Variants in XIRP2 observed in about 807,000 individuals in gnomAD.
The protein encoded by XIRP2 is xin actin-binding repeat-containing protein 2.
A neutral mutation model predicts 277.0 loss-of-function variants in XIRP2; 236 were observed. The ratio of observed to expected loss-of-function variants is 0.85; its 90% CI spans 0.77 to 0.95. The LOEUF is 0.95. XIRP2 is among the 40% of genes least tolerant of loss of function. XIRP2 has a pLI of 0.00. For synonymous variants in XIRP2, 1,490 were observed against 1,416.5 expected, an observed-to-expected ratio of 1.05 and a Z score of -1.17; for missense variants, 4,640 against 4,157.5, an observed-to-expected ratio of 1.12 and a Z score of -3.19.
chr2:167,024,255 G>T (rs1052126925), intron 2 of XIRP2, among the ~76,000 whole-genome samples: 3 of 152,034 alleles, frequency 2.0e-5, no homozygotes, highest in South Asian at 2.1e-4. Context: ...CTCTCTGTTT[G>T]TCTGTTATTG....
intron 2 of XIRP2, among the ~76,000 whole-genome samples, chr2:167,073,673 TAA>T (rs554759977): frequency 1.5e-4 from 23 of 152,178 alleles, no homozygotes; most frequent in Non-Finnish European, 2.8e-4. Context: ...ATAGATAAAT[TAA>T]ATTTAGAAAG....
At chr2:166,948,927 A>G (rs914369561) in intron 2 of XIRP2, among the ~76,000 whole-genome samples, 2 of 152,064 alleles carry the variant, frequency 1.3e-5, no homozygotes, top group African/African-American at 4.8e-5. Flanking sequence ...TTATTTTCCT[A>G]CTAGAGAATA....
chr2:167,136,434 ACTAT>A (rs1225543715), intron 3 of XIRP2, among the ~76,000 whole-genome samples: 17 of 152,200 alleles, frequency 1.1e-4, no homozygotes, highest in Admixed American at 1.1e-3. Context: ...ACTAGGAGTA[ACTAT>A]CAGTAGCAAA....
chr2:166,911,908 A>G (rs1407798948), intron 2 of XIRP2, among the ~76,000 whole-genome samples: 1 of 151,998 alleles, frequency 6.6e-6, no homozygotes, highest in Non-Finnish European at 1.5e-5. Context: ...GGTTGAAAAT[A>G]CTTTTCTTTA....
In XIRP2 at chr2:167,247,102, A is replaced by G. The variant is rs1380394581; in HGVS notation, c.5710A>G (p.Lys1904Glu). The change falls in exon 9 of 11, where the codon AAA becomes GAA. Residue 1904 changes from lysine (K) to glutamate (E), a missense_variant. By Grantham distance (56) the Lys-to-Glu change is moderately conservative. Transcript: ENST00000409195. ...DIEKAIECLE[K>E]ATNTKTEILK... ...TGAAAAAGCTATTGAATGCCTTGAA[A>G]AAGCTACAAATACAAAGACAGAAAT... 2 of 1,613,080 alleles carry G rather than the reference A, an allele frequency of 1.2e-6. No individual in the cohort carries two copies. Among genetic ancestry groups the G allele is most frequent in the Admixed American group, 1.7e-5 (1 of 59,790 alleles).
At chr2:167,029,306 G>C (rs1688260134) in intron 2 of XIRP2, among the ~76,000 whole-genome samples, 1 of 151,988 alleles carries the variant, frequency 6.6e-6, no homozygotes, top group Admixed American at 6.6e-5. Context: ...GGAAATGCCA[G>C]CTTTTGTCCT....
intron 5 of XIRP2, among the ~76,000 whole-genome samples, chr2:167,219,033 G>A (rs1694344158): frequency 1.3e-5 from 2 of 152,010 alleles, no homozygotes; most frequent in South Asian, 4.1e-4. Context: ...ATTTTGTAGT[G>A]AGAAATGAAG....
intron 3 of XIRP2, among the ~76,000 whole-genome samples, chr2:167,153,728 G>A (rs1054431424): frequency 6.6e-6 from 1 of 151,834 alleles, no homozygotes; most frequent in African/African-American, 2.4e-5. Context: ...TCCCTAAAAA[G>A]GACATGAACT....
At chr2:167,218,133 A>G (rs1320102821) in intron 4 of XIRP2, 33 bp from the exon 5 acceptor site, 2 of 1,486,036 alleles carry the variant, frequency 1.3e-6, no homozygotes, top group African/African-American at 2.8e-5. Flanking sequence ...ACAGCTGTAA[A>G]GCTGAATTTT....
intron 2 of XIRP2, among the ~76,000 whole-genome samples, chr2:167,084,824 T>C (rs1327494606): frequency 6.6e-6 from 1 of 151,342 alleles, no homozygotes; most frequent in Non-Finnish European, 1.5e-5. Context: ...TATTTGATTC[T>C]TCTCTCTTTT....
At chr2:167,060,764 T>G (rs1689155503) in intron 2 of XIRP2, among the ~76,000 whole-genome samples, 1 of 152,194 alleles carries the variant, frequency 6.6e-6, no homozygotes, top group Non-Finnish European at 1.5e-5. Context: ...TGTCAATTAC[T>G]AGAGAGTTAT....
intron 2 of XIRP2, among the ~76,000 whole-genome samples, chr2:167,109,303 G>A (rs1167976279): frequency 6.6e-6 from 1 of 151,612 alleles, no homozygotes; most frequent in South Asian, 2.1e-4. Flanking sequence ...CTCCTTCCAT[G>A]GAGTCTCACT....
At chr2:167,026,049 GT>G (rs1688147693) in intron 2 of XIRP2, among the ~76,000 whole-genome samples, 1 of 152,154 alleles carries the variant, frequency 6.6e-6, no homozygotes, top group Admixed American at 6.5e-5. Context: ...AATGTTGAGT[GT>G]GGGGTGTTAA....
chr2:167,181,653 A>G (rs904938286), intron 3 of XIRP2, among the ~76,000 whole-genome samples: 1 of 152,094 alleles, frequency 6.6e-6, no homozygotes, highest in African/African-American at 2.4e-5. Flanking sequence ...AACAAATATC[A>G]TTGATTCTCT....
intron 3 of XIRP2, among the ~76,000 whole-genome samples, chr2:167,154,691 A>G (rs1340400828): frequency 6.6e-6 from 1 of 152,078 alleles, no homozygotes; most frequent in Non-Finnish European, 1.5e-5. Flanking sequence ...AAGAACTAGA[A>G]AAGCAAGAGC....
intron 2 of XIRP2, among the ~76,000 whole-genome samples, chr2:167,068,396 T>C (rs951786990): frequency 2.0e-5 from 3 of 152,206 alleles, no homozygotes; most frequent in Admixed American, 2.0e-4. Flanking sequence ...CTGTTACAAT[T>C]GTTTGTTTTA....
intron 2 of XIRP2, among the ~76,000 whole-genome samples, chr2:167,084,151 T>G (rs1020916834): frequency 1.6e-4 from 25 of 152,178 alleles, no homozygotes; most frequent in African/African-American, 4.1e-4. Context: ...TTAGCATGAA[T>G]TGTTGTTGAA....
At chr2:167,014,274 AG>A (rs1687763107) in intron 2 of XIRP2, among the ~76,000 whole-genome samples, 1 of 151,762 alleles carries the variant, frequency 6.6e-6, no homozygotes, top group African/African-American at 2.4e-5. Context: ...CAAAAATAAA[AG>A]TCCAGAATAA....
intron 2 of XIRP2, among the ~76,000 whole-genome samples, chr2:166,995,330 G>A (rs141164657): frequency 5.6e-4 from 85 of 152,268 alleles, no homozygotes; most frequent in Admixed American, 1.1e-3. Flanking sequence ...AGGCAAAAAC[G>A]TTAGTGACCT....
Sources: gnomAD v4.1 joint callset for allele counts (sites outside exome capture counted in the v4.1 genomes callset) on GRCh38, gnomAD v4.1.1 for gene constraint, MANE v1.5 for transcripts, NCBI Gene and HGNC (gene_info 2026-07-23, HGNC 2026-07-21) for gene names.